The following ELP1 variants were observed in gnomAD, a reference collection of about 807,000 sequenced individuals.
The protein encoded by ELP1 is elongator acetyltransferase complex subunit 1.
Under a neutral mutation model 183.2 loss-of-function variants are expected in ELP1, and 131 were observed. The ratio of observed to expected loss-of-function variants is 0.72; its 90% CI spans 0.62 to 0.83. The LOEUF is 0.83. ELP1 is among the 40% of genes least tolerant of loss of function. The pLI is 0.00. For synonymous variants in ELP1, 555 were observed against 569.0 expected (o/e 0.98, Z 0.35); for missense variants, 1,550 against 1,594.9 (o/e 0.97, Z 0.48).
At chr9:108,914,710 G>A (rs1030920875) in intron 10 of ELP1, among the ~76,000 whole-genome samples, 9 of 151,968 alleles carry the variant, frequency 5.9e-5, no homozygotes, top group Non-Finnish European at 1.2e-4. Context: ...TGCAAGCTCC[G>A]CCTCCTCCAG....
In ELP1 at chr9:108,869,197, G is replaced by A; in HGVS notation, c.3932-15C>T. ...AAGCTCAGCATCTAAAAGCAAGAAA[G>A]GAAGGGAAATTGTGACAGACATACT... On this transcript the variant is annotated splice_polypyrimidine_tract_variant and intron_variant, in intron 36 of 36. Transcript: ENST00000374647. The A allele has an allele frequency of 6.2e-7, 1 of 1,612,766 alleles. No homozygotes were observed. Among genetic ancestry groups the A allele is most frequent in the Non-Finnish European group, 8.5e-7 (1 of 1,178,728 alleles).
intron 6 of ELP1, among the ~76,000 whole-genome samples, chr9:108,921,482 C>T (rs572905284): frequency 1.3e-5 from 2 of 152,206 alleles, no homozygotes; most frequent in East Asian, 3.9e-4. Flanking sequence ...GAAAGCTGTA[C>T]CATAATTTAC....
chr9:108,933,508 C>G (rs1282597989), intron 1 of ELP1, among the ~76,000 whole-genome samples: 2 of 152,238 alleles, frequency 1.3e-5, no homozygotes, highest in Non-Finnish European at 2.9e-5. Flanking sequence ...AAAAGTCTCA[C>G]ACGCGAGAAA....
At chr9:108,928,157 C>T (rs1015248719) in intron 3 of ELP1, among the ~76,000 whole-genome samples, 2 of 152,044 alleles carry the variant, frequency 1.3e-5, no homozygotes, top group African/African-American at 4.8e-5. Context: ...AATATATGTA[C>T]CTACTATGTA....
intron 2 of ELP1, 54 bp downstream of exon 2, chr9:108,930,943 G>A (rs1415538242): frequency 6.4e-7 from 1 of 1,573,086 alleles, no homozygotes; most frequent in African/African-American, 1.3e-5. Flanking sequence ...AAATTTGGAA[G>A]AAGAGAAATC....
In ELP1 at chr9:108,878,002, G is replaced by A. The variant is rs1327576381; in HGVS notation, c.3848C>T (p.Ala1283Val). The change falls in exon 35 of 37, where the codon GCT becomes GTT. Residue 1283 changes from alanine to valine, a missense_variant. Coordinates refer to ENST00000374647, the MANE Select transcript of ELP1 (RefSeq NM_003640.5). ...GTCTCTGAGAAAACTTACCGGGGTA[G>A]CTGAATTCTGCTGGTAAGTAAGAGT... ...IWTLTYQQNS[A>V]TPVLGPNSTA... The A allele has an allele frequency of 1.2e-6, 2 of 1,614,084 alleles. No individual in the cohort carries two copies. The highest frequency in any genetic ancestry group is 3.3e-5 in the Admixed American group (2 of 60,010).
rs749113128 is a variant in ELP1, at chr9:108,898,494, ATACT to A, written c.2363+4_2363+7del. 6.9e-7 allele frequency: 1 copy of A among 1,452,664 alleles called. No homozygotes were observed. Among genetic ancestry groups the A allele is most frequent in the South Asian group, 1.2e-5 (1 of 86,658 alleles). The allele number at this position is 1,452,664 out of a possible 1,614,324, so 90.0% of individuals were successfully genotyped here. On this transcript the variant is annotated splice_donor_5th_base_variant and intron_variant, in intron 22 of 36. Coordinates refer to ENST00000374647, the MANE Select transcript of ELP1 (RefSeq NM_003640.5). ...AAAAGATACACATGAATTATTCAAA[ATACT>A]TACTTCAATTCTGTAAAAAACAAGT...
chr9:108,917,499 T>A (rs764208732), intron 9 of ELP1, 48 bp downstream of exon 9: 16 of 1,565,966 alleles, frequency 1.0e-5, no homozygotes, highest in Admixed American at 3.3e-5. Flanking sequence ...CCTCTATAGC[T>A]ATGGAAAGTC....
chr9:108,933,203 T>A (rs887397546), intron 1 of ELP1, among the ~76,000 whole-genome samples: 1 of 152,220 alleles, frequency 6.6e-6, no homozygotes, highest in Admixed American at 6.5e-5. Flanking sequence ...TTCCCACTAT[T>A]TGGGGACAGA....
At chr9:108,898,638 TA>T in intron 21 of ELP1, 32 bp downstream of exon 21, 6 of 1,599,792 alleles carry the variant, frequency 3.8e-6, no homozygotes, top group Non-Finnish European at 5.1e-6. Flanking sequence ...AAGTACAAAG[TA>T]AGCTAGAGTA....
At chr9:108,921,887 T>C (rs1170439584) in intron 6 of ELP1, among the ~76,000 whole-genome samples, 2 of 152,258 alleles carry the variant, frequency 1.3e-5, no homozygotes, top group African/African-American at 2.4e-5. Context: ...TTTGAGTGCC[T>C]ACACTGTGCT....
At position 108,916,439 on chromosome 9, in the gene ELP1, G is replaced by A; in HGVS notation, c.865-142C>T. On this transcript the variant is annotated intron_variant, in intron 9 of 36. Transcript: ENST00000374647. ...AGCTGTAAATCACTAACCTACAGAGGCATTAAACAAATCTGTAAAATATGT... is the reference window on the plus strand; with the variant it reads ...AGCTGTAAATCACTAACCTACAGAGACATTAAACAAATCTGTAAAATATGT... 5 of 713,966 alleles carry A rather than the reference G, an allele frequency of 7.0e-6. No homozygotes were observed. In the South Asian group the frequency reaches 7.6e-5, roughly 11 times the overall value. 44.2% of individuals were successfully genotyped at this position (713,966 alleles called of 1,614,324 possible). A position where few individuals can be genotyped will look rare whatever the true frequency, so the allele number is the denominator to read the frequency against.
chr9:108,895,057 G>A (rs1330948553), intron 25 of ELP1, among the ~76,000 whole-genome samples: 1 of 151,984 alleles, frequency 6.6e-6, no homozygotes, highest in Non-Finnish European at 1.5e-5. Context: ...GACCAGCCTG[G>A]GCAACATGGC....
At chr9:108,888,571 T>C (rs1466245197) in intron 29 of ELP1, among the ~76,000 whole-genome samples, 1 of 152,242 alleles carries the variant, frequency 6.6e-6, no homozygotes, top group Non-Finnish European at 1.5e-5. Context: ...CTTTTAGGTA[T>C]GTTTCATTCA....
chr9:108,898,525 A>G lies in ELP1; in HGVS notation c.2340T>C (p.Ile780=), dbSNP rs2131984565. 1.3e-6 allele frequency: 2 copies of G among 1,583,604 alleles called. No homozygotes were observed. The highest frequency in any genetic ancestry group is 2.2e-5 in the South Asian group (2 of 90,140). ...FIKQIDSVNH[I]NLFFTELKEE... ...ACTTCAATTCTGTAAAAAACAAGTT[A>G]ATATGATTCACAGAATCTATCTGTT... Residue 780 remains isoleucine, a synonymous_variant, in exon 22 of 37, where the codon ATT becomes ATC. Coordinates refer to ENST00000374647, the MANE Select transcript of ELP1 (RefSeq NM_003640.5).
In ELP1 at chr9:108,921,601, C is replaced by A. The variant is rs139341946; in HGVS notation, c.552+1241G>T. Among the ~76,000 whole-genome samples, 32 of 149,070 alleles carry A rather than the reference C, an allele frequency of 2.1e-4. No homozygotes were observed. In the East Asian group the frequency reaches 6.1e-3, roughly 29 times the overall value. On this transcript the variant is annotated intron_variant, in intron 6 of 36. Coordinates refer to ENST00000374647, the MANE Select transcript of ELP1 (RefSeq NM_003640.5). ...AAGTCCTGCCAAAAAAAAAAAAAAT[C>A]ACTTAAAAATCAGGGGGACATGAAA...
intron 6 of ELP1, among the ~76,000 whole-genome samples, chr9:108,919,781 G>A (rs3887120): frequency 6.6e-6 from 1 of 152,268 alleles, no homozygotes; most frequent in Non-Finnish European, 1.5e-5. Flanking sequence ...TGAATAGGGA[G>A]GAGCCACAGA....
chr9:108,869,280 T>G (rs1407412298), intron 36 of ELP1, 98 bp from the exon 37 acceptor site: 1 of 1,004,778 alleles, frequency 1.0e-6, no homozygotes, highest in African/African-American at 1.6e-5. Flanking sequence ...CAGGTGGAGT[T>G]TGCAGCAATA....
chr9:108,928,258 CTGTT>C, intron 3 of ELP1, among the ~76,000 whole-genome samples: 1 of 152,222 alleles, frequency 6.6e-6, no homozygotes, highest in East Asian at 1.9e-4. Context: ...GAGAATAGAC[CTGTT>C]ATTAGGCACA....
Sources: gnomAD v4.1 joint callset for allele counts (sites outside exome capture counted in the v4.1 genomes callset) on GRCh38, gnomAD v4.1.1 for gene constraint, MANE v1.5 for transcripts, NCBI Gene and HGNC (gene_info 2026-07-23, HGNC 2026-07-21) for gene names.